CCDC157: variants seen among roughly 807,000 people sequenced by gnomAD.
CCDC157 encodes coiled-coil domain-containing protein 157.
CCDC157 carries 60 observed loss-of-function variants against 70.9 expected under a neutral mutation model. The observed-to-expected ratio is 0.85, with a 90% CI of 0.69 to 1.05. The LOEUF (loss-of-function observed/expected upper bound fraction) is 1.05. Among genes scored for constraint, CCDC157 ranks in the 50% least tolerant of loss-of-function variants. CCDC157 has a pLI of 0.00. For missense variants in CCDC157, 943 were observed against 984.2 expected (o/e 0.96, Z 0.56); for synonymous variants, 373 against 422.4 (o/e 0.88, Z 1.43).
chr22:30,356,905 C>A, upstream of CCDC157: 1 of 944,170 alleles, frequency 1.1e-6, no homozygotes, highest in Non-Finnish European at 1.4e-6. Context: ...GGCGGCCGAG[C>A]GAGTTGCGGC....
rs1932836324 is a variant in CCDC157 at position 30,369,424 on chromosome 22, G to A, written c.249-8G>A. Reference sequence around the variant, plus strand: ...TGGGCCCCAGCAACCTAGCATCTCTGCCCGCAGGCTCCTGCTGCTGCTTCA... The same window carrying A: ...TGGGCCCCAGCAACCTAGCATCTCTACCCGCAGGCTCCTGCTGCTGCTTCA... On this transcript the variant is annotated splice_region_variant and splice_polypyrimidine_tract_variant and intron_variant, in intron 3 of 11. Transcript: ENST00000338306. The A allele has an allele frequency of 2.7e-6, 4 of 1,501,262 alleles. No homozygotes were observed. Among genetic ancestry groups the A allele is most frequent in the Non-Finnish European group, 3.6e-6 (4 of 1,118,540 alleles). The allele number at this position is 1,501,262 out of a possible 1,614,324, so 93.0% of individuals were successfully genotyped here. A position where few individuals can be genotyped will look rare whatever the true frequency, so the allele number is the denominator to read the frequency against.
At chr22:30,373,392 A>G (rs1180506849) in intron 7 of CCDC157, 2 of 589,996 alleles carry the variant, frequency 3.4e-6, no homozygotes, top group South Asian at 2.0e-5. Context: ...CCTGGCCTTG[A>G]CCAGGTCCGG....
At chr22:30,375,360 C>A (rs1933275512) in intron 9 of CCDC157, 119 bp from the exon 10 acceptor site, 1 of 893,296 alleles carries the variant, frequency 1.1e-6, no homozygotes, top group Non-Finnish European at 1.8e-6. Context: ...GGGAATAAGG[C>A]CTCGGGAGAA....
upstream of CCDC157, chr22:30,356,912 C>A: frequency 1.1e-6 from 1 of 896,686 alleles, no homozygotes; most frequent in Non-Finnish European, 1.5e-6. Flanking sequence ...GAGCGAGTTG[C>A]GGCCGCGAAG....
Position 30,377,840 on chromosome 22 carries a change from G to A in CCDC157, c.*1095G>A, listed in dbSNP as rs866624911. The A allele has an allele frequency of 1.3e-5, 4 of 318,174 alleles. No individual in the cohort carries two copies. Among genetic ancestry groups the A allele is most frequent in the Admixed American group, 8.1e-5 (2 of 24,826 alleles). 19.7% of individuals were successfully genotyped at this position (318,174 alleles called of 1,614,324 possible). On this transcript the variant is annotated 3_prime_UTR_variant, in exon 12 of 12. Coordinates refer to ENST00000338306, the MANE Select transcript of CCDC157 (RefSeq NM_001017437.5). ...TCACAGCTGAGTAGCTCTCTCAGGC[G>A]CCCACCAACTCCGTGCCATGTATTC...
At position 30,376,587 on chromosome 22, in the gene CCDC157, C is replaced by T. The variant is rs769745656; in HGVS notation, c.2101C>T (p.Pro701Ser). The T allele has an allele frequency of 1.2e-6, 2 of 1,613,610 alleles. No homozygotes were observed. Among genetic ancestry groups the T allele is most frequent in the Non-Finnish European group, 1.7e-6 (2 of 1,179,954 alleles). ...GCCCTGCACATCCCCATCTCGGCAGCCCTGCAGCCAGCCCAGCAAGTCCTT... is the reference window on the plus strand; with the variant it reads ...GCCCTGCACATCCCCATCTCGGCAGTCCTGCAGCCAGCCCAGCAAGTCCTT... ...RQPCTSPSRQPCSQPSKSLLE... is the reference protein window; with the variant it reads ...RQPCTSPSRQSCSQPSKSLLE... The change falls in exon 12 of 12, where the codon CCC becomes TCC. Residue 701 changes from proline to serine, a missense_variant. Physicochemically the swap from Pro to Ser is moderately conservative, Grantham distance 74. Coordinates refer to ENST00000338306, the MANE Select transcript of CCDC157 (RefSeq NM_001017437.5).
intron 2 of CCDC157, among the ~76,000 whole-genome samples, chr22:30,363,300 G>T (rs1281133754): frequency 4.6e-5 from 7 of 152,218 alleles, no homozygotes; most frequent in African/African-American, 1.7e-4. Flanking sequence ...TGTGTGGGCC[G>T]CAGGGGAACT....
At chr22:30,360,121 G>A (rs1040861800) in intron 1 of CCDC157, among the ~76,000 whole-genome samples, 2 of 152,168 alleles carry the variant, frequency 1.3e-5, no homozygotes, top group Admixed American at 1.3e-4. Context: ...TGCAGCCTGA[G>A]CAACAGAGTG....
chr22:30,370,257 C>T, intron 4 of CCDC157, 69 bp from the exon 5 acceptor site: 1 of 1,533,312 alleles, frequency 6.5e-7, no homozygotes, highest in Non-Finnish European at 8.9e-7. Flanking sequence ...GAACATCCCC[C>T]AGGGAACCAG....
chr22:30,358,169 G>A (rs1932065208), intron 1 of CCDC157, among the ~76,000 whole-genome samples: 1 of 152,206 alleles, frequency 6.6e-6, no homozygotes. Context: ...CCTGTGAAAT[G>A]AGGGAGTGAT....
In CCDC157 at chr22:30,378,049, T is replaced by C. The variant is rs1279556665; in HGVS notation, c.*1304T>C. The stretch of plus-strand genomic sequence containing the variant: ...ATTCCGATCCTTGCGGCTGTGGGAC[T>C]GAGGTCCCCATGTCCTCGCTGGCTG... On this transcript the variant is annotated 3_prime_UTR_variant, in exon 12 of 12. Coordinates refer to ENST00000338306, the MANE Select transcript of CCDC157 (RefSeq NM_001017437.5). The C allele has an allele frequency of 2.8e-5, 13 of 466,696 alleles. No homozygotes were observed. Among genetic ancestry groups the C allele is most frequent in the Non-Finnish European group, 4.9e-5 (11 of 224,968 alleles). 28.9% of individuals were successfully genotyped at this position (466,696 alleles called of 1,614,324 possible).
In CCDC157 at chr22:30,373,636, G is replaced by T. The variant is rs1933109237; in HGVS notation, c.1375G>T (p.Asp459Tyr). The T allele has an allele frequency of 1.3e-6, 2 of 1,557,868 alleles. No individual in the cohort carries two copies. The highest frequency in any genetic ancestry group is 1.7e-6 in the Non-Finnish European group (2 of 1,150,640). Reference sequence around the variant, plus strand: ...GCAGCGAGCCCTGCTAAAGCAGCTGGACAGCCTGGACCAGGAACGTGAGGA... The same window carrying T: ...GCAGCGAGCCCTGCTAAAGCAGCTGTACAGCCTGGACCAGGAACGTGAGGA... ...AKQRALLKQL[D>Y]SLDQEREELR... Residue 459 changes from aspartate (D) to tyrosine (Y), a missense_variant, in exon 8 of 12, where the codon GAC becomes TAC. Coordinates refer to ENST00000338306, the MANE Select transcript of CCDC157 (RefSeq NM_001017437.5).
intron 2 of CCDC157, among the ~76,000 whole-genome samples, chr22:30,364,366 GA>G: frequency 6.6e-6 from 1 of 152,010 alleles, no homozygotes; most frequent in African/African-American, 2.4e-5. Context: ...AAGTAAAAAA[GA>G]AAAGACAAAT....
At chr22:30,371,957 C>G in intron 6 of CCDC157, 118 bp from the exon 7 acceptor site, 1 of 805,344 alleles carries the variant, frequency 1.2e-6, no homozygotes, top group East Asian at 2.7e-5. Context: ...GGTCTAGAGC[C>G]CCATTTTGTG....
chr22:30,372,411 T>C (rs1601741501), intron 7 of CCDC157, 125 bp downstream of exon 7: 2 of 1,312,704 alleles, frequency 1.5e-6, no homozygotes. Flanking sequence ...CCTCCAGGTG[T>C]GGGGGTTGAC....
At chr22:30,366,374 G>C (rs1427545402) in intron 3 of CCDC157, 126 bp downstream of exon 3, 9 of 1,171,756 alleles carry the variant, frequency 7.7e-6, no homozygotes, top group Non-Finnish European at 1.1e-5. Context: ...TTGAGTACCT[G>C]TCGGGGCCAC....
chr22:30,374,837 C>A, intron 9 of CCDC157: 1 of 434,950 alleles, frequency 2.3e-6, no homozygotes, highest in Non-Finnish European at 4.7e-6. Context: ...GGAATTCCTG[C>A]CGTTCCCAAG....
rs1367225586 is a variant in CCDC157 at position 30,372,041 on chromosome 22, C to T, written c.1124-34C>T. 12 of 1,405,176 alleles carry T rather than the reference C, an allele frequency of 8.5e-6. No homozygotes were observed. In the Admixed American group the frequency reaches 2.4e-4, roughly 28 times the overall value. 87.0% of individuals were successfully genotyped at this position (1,405,176 alleles called of 1,614,324 possible). ...TCTGAGGTAGTACAGCGCTCCCCTG[C>T]CCTACCCCATCCCATGTCCACTTAA... On this transcript the variant is annotated intron_variant, in intron 6 of 11. Coordinates refer to ENST00000338306, the MANE Select transcript of CCDC157 (RefSeq NM_001017437.5).
At chr22:30,363,974 G>A (rs1284785321) in intron 2 of CCDC157, among the ~76,000 whole-genome samples, 2 of 152,000 alleles carry the variant, frequency 1.3e-5, no homozygotes, top group Non-Finnish European at 2.9e-5. Flanking sequence ...GAGCCATTGC[G>A]CCTGGCCTCA....
Sources: gnomAD v4.1 joint callset for allele counts (sites outside exome capture counted in the v4.1 genomes callset) on GRCh38, gnomAD v4.1.1 for gene constraint, MANE v1.5 for transcripts, NCBI Gene and HGNC (gene_info 2026-07-23, HGNC 2026-07-21) for gene names.